Variants in ATP11A observed in about 807,000 individuals in gnomAD.
ATP11A encodes the protein ATPase phospholipid transporting 11A.
Under a neutral mutation model 154.4 loss-of-function variants are expected in ATP11A, and 81 were observed. The observed-to-expected ratio is 0.52, with a 90% CI of 0.44 to 0.63. The LOEUF (loss-of-function observed/expected upper bound fraction) is 0.63, where lower values mean the gene tolerates loss of function less well. Among genes scored for constraint, ATP11A ranks in the 30% least tolerant of loss-of-function variants. The pLI, the probability that ATP11A is intolerant of heterozygous loss-of-function variation, is 0.00. For missense variants in ATP11A, 1,316 were observed against 1,474.3 expected (o/e 0.89, Z 1.76); for synonymous variants, 623 against 585.9 (o/e 1.06, Z -0.91).
chr13:112,854,665 G>A (rs2079872630), intron 19 of ATP11A, 135 bp downstream of exon 19: 2 of 1,050,806 alleles, frequency 1.9e-6, no homozygotes, highest in Non-Finnish European at 2.7e-6. Context: ...ATTAATGCCA[G>A]CTTCTTAGGG....
intron 1 of ATP11A, among the ~76,000 whole-genome samples, chr13:112,763,924 C>T (rs991644378): frequency 6.6e-6 from 1 of 152,230 alleles, no homozygotes; most frequent in African/African-American, 2.4e-5. Context: ...CCCCAACCGC[C>T]TTGGGCACAC....
rs117156114 is a variant in ATP11A at position 112,790,256 on chromosome 13, G to A, written c.162+4999G>A. On this transcript the variant is annotated intron_variant, in intron 2 of 29. Transcript: ENST00000375645. The stretch of plus-strand genomic sequence containing the variant: ...TGGAGACCTACTTAATTCACACCCG[G>A]CATCTTGACATGTAGACTCCTATGT... Among the ~76,000 whole-genome samples the A allele has an allele frequency of 2.9e-4, 44 of 151,678 alleles. No individual in the cohort carries two copies. The East Asian group carries it at 8.7e-3, about 30-fold the overall frequency.
chr13:112,721,012 A>G (rs1889112134), intron 1 of ATP11A, among the ~76,000 whole-genome samples: 2 of 152,268 alleles, frequency 1.3e-5, no homozygotes, highest in South Asian at 2.1e-4. Context: ...TCTTGAAGTC[A>G]GAAGGTGAAC....
At chr13:112,755,637 A>G (rs2076804487) in intron 1 of ATP11A, among the ~76,000 whole-genome samples, 1 of 152,236 alleles carries the variant, frequency 6.6e-6, no homozygotes, top group Non-Finnish European at 1.5e-5. Context: ...AGCGGCTCCT[A>G]GAACCATTTC....
chr13:112,701,757 G>A (rs60918266), intron 1 of ATP11A, among the ~76,000 whole-genome samples: 7,533 of 151,900 alleles, frequency 0.05, 669 homozygotes, highest in African/African-American at 0.17. Context: ...GGCGTGAACT[G>A]GGGAGGCGGA....
intron 12 of ATP11A, among the ~76,000 whole-genome samples, chr13:112,827,304 G>A (rs1348515615): frequency 2.6e-5 from 4 of 152,208 alleles, no homozygotes; most frequent in Non-Finnish European, 5.9e-5. Context: ...GAGTTCAGAC[G>A]CCTCCATTCA....
intron 1 of ATP11A, among the ~76,000 whole-genome samples, chr13:112,725,163 A>AC (rs2139658517): frequency 6.6e-6 from 1 of 152,006 alleles, no homozygotes; most frequent in South Asian, 2.1e-4. Context: ...GACACTGCAA[A>AC]CCCCCCTTGT....
In ATP11A at chr13:112,834,655, C is replaced by A. The variant is rs770395954; in HGVS notation, c.1626C>A (p.Ile542=). Residue 542 remains isoleucine, a synonymous_variant, in exon 15 of 30, where the codon ATC becomes ATA. Coordinates refer to ENST00000375645, the MANE Select transcript of ATP11A (RefSeq NM_015205.3). ...AGATATTAAACAGGGAGAACCACAT[C>A]GAAAGGTATGTGCAGACCTCACCCT... ...YMEILNRENH[I]ERFELLEILS... 1.2e-6 allele frequency: 2 copies of A among 1,612,810 alleles called. No homozygotes were observed. The highest frequency in any genetic ancestry group is 1.1e-5 in the South Asian group (1 of 91,020).
chr13:112,779,406 T>C (rs2077443746), intron 1 of ATP11A, among the ~76,000 whole-genome samples: 1 of 146,096 alleles, frequency 6.8e-6, no homozygotes. Flanking sequence ...GAGTGAGGAG[T>C]AGCCACTGGA....
At chr13:112,867,416 C>T (rs927907918) in intron 25 of ATP11A, among the ~76,000 whole-genome samples, 5 of 152,206 alleles carry the variant, frequency 3.3e-5, no homozygotes, top group South Asian at 2.1e-4. Flanking sequence ...CAAGAGCCCC[C>T]GGAGATGGAC....
At chr13:112,691,300 T>TA (rs1341350146) in intron 1 of ATP11A, among the ~76,000 whole-genome samples, 1 of 151,532 alleles carries the variant, frequency 6.6e-6, no homozygotes, top group Non-Finnish European at 1.5e-5. Context: ...CCGTCTCTGC[T>TA]AAAAAATACG....
At chr13:112,855,875 G>T in intron 19 of ATP11A, 36 bp from the exon 20 acceptor site, 1 of 1,556,900 alleles carries the variant, frequency 6.4e-7, no homozygotes, top group South Asian at 1.2e-5. Context: ...TAGATTTAGT[G>T]ATTGAGCAAT....
intron 1 of ATP11A, among the ~76,000 whole-genome samples, chr13:112,742,454 G>T (rs1453891958): frequency 6.6e-6 from 1 of 152,154 alleles, no homozygotes; most frequent in South Asian, 2.1e-4. Flanking sequence ...GTCGTGTGTG[G>T]GGGGACTTAT....
At chr13:112,766,878 T>C (rs1410520303) in intron 1 of ATP11A, among the ~76,000 whole-genome samples, 9 of 4,634 alleles carry the variant, frequency 1.9e-3, no homozygotes, top group East Asian at 0.022. Flanking sequence ...GGTGTGGGAG[T>C]GCTGGGAGCC....
At chr13:112,709,023 C>G (rs1010848607) in intron 1 of ATP11A, among the ~76,000 whole-genome samples, 1 of 151,980 alleles carries the variant, frequency 6.6e-6, no homozygotes, top group African/African-American at 2.4e-5. Context: ...GGGTTCCAGG[C>G]GGGAAGGGGA....
At chr13:112,790,083 C>T (rs957042287) in intron 2 of ATP11A, among the ~76,000 whole-genome samples, 1 of 149,870 alleles carries the variant, frequency 6.7e-6, no homozygotes, top group African/African-American at 2.4e-5. Context: ...CGTGTAGACT[C>T]CTATGTAGAC....
Position 112,885,511 on chromosome 13 carries a change from C to G in ATP11A, c.*3645C>G, listed in dbSNP as rs2080963228. The stretch of plus-strand genomic sequence containing the variant: ...CAGATGCACATGGACACACCCCAAA[C>G]ACGCACAGGCTCCTACACACATGCA... On this transcript the variant is annotated 3_prime_UTR_variant, in exon 30 of 30. Coordinates refer to ENST00000375645, the MANE Select transcript of ATP11A (RefSeq NM_015205.3). 6.6e-6 allele frequency: 1 copy of G among 152,294 alleles called. No individual in the cohort carries two copies. The highest frequency in any genetic ancestry group is 1.5e-5 in the Non-Finnish European group (1 of 68,082). The allele number at this position is 152,294 out of a possible 1,614,324, so 9.4% of individuals were successfully genotyped here.
intron 1 of ATP11A, among the ~76,000 whole-genome samples, chr13:112,751,940 TACAC>T (rs2076703036): frequency 6.6e-6 from 1 of 152,246 alleles, no homozygotes; most frequent in African/African-American, 2.4e-5. Flanking sequence ...TGTGTGTAAA[TACAC>T]AAATATATAT....
chr13:112,734,563 C>G (rs1396701006), intron 1 of ATP11A, among the ~76,000 whole-genome samples: 7 of 152,144 alleles, frequency 4.6e-5, no homozygotes, highest in Non-Finnish European at 1.0e-4. Flanking sequence ...GAGTCAAACC[C>G]TGACTGTATC....
Sources: allele counts gnomAD v4.1 joint callset (sites outside exome capture counted in the v4.1 genomes callset), GRCh38; gene constraint gnomAD v4.1.1; transcripts MANE v1.5; gene names NCBI Gene and HGNC (gene_info 2026-07-23, HGNC 2026-07-21).